The following NAALADL2 variants were observed in gnomAD, a reference collection of about 807,000 sequenced individuals.
NAALADL2 encodes the protein inactive N-acetylated-alpha-linked acidic dipeptidase-like protein 2.
NAALADL2 carries 76 observed loss-of-function variants against 87.2 expected under a neutral mutation model. The ratio of observed to expected loss-of-function variants is 0.87; its 90% confidence interval spans 0.72 to 1.05. The LOEUF is 1.05. NAALADL2 is among the 50% of genes least tolerant of loss of function. The probability of loss-of-function intolerance (pLI) is 0.00; values close to 1 mark genes in which losing one functional copy is unlikely to be tolerated. For missense variants in NAALADL2, 1,089 were observed against 945.8 expected (o/e 1.15, Z -1.99); for synonymous variants, 354 against 331.0 (o/e 1.07, Z -0.75).
intron 2 of NAALADL2, among the ~76,000 whole-genome samples, chr3:175,144,916 T>C (rs1174181124): frequency 6.6e-6 from 1 of 152,082 alleles, no homozygotes; most frequent in Admixed American, 6.6e-5. Context: ...CTGTATGTTT[T>C]CAATACAAGT....
chr3:175,283,279 C>T (rs1423151730), intron 4 of NAALADL2, among the ~76,000 whole-genome samples: 1 of 152,100 alleles, frequency 6.6e-6, no homozygotes, highest in African/African-American at 2.4e-5. Context: ...CACAAAGAAG[C>T]ATGGATCTCA....
At chr3:174,998,158 A>T (rs546558440) in intron 1 of NAALADL2, among the ~76,000 whole-genome samples, 3 of 152,156 alleles carry the variant, frequency 2.0e-5, no homozygotes, top group African/African-American at 7.2e-5. Context: ...CACTACCTCT[A>T]TGTTAGGCAT....
intron 5 of NAALADL2, among the ~76,000 whole-genome samples, chr3:175,360,344 A>G (rs892050567): frequency 6.6e-6 from 1 of 152,178 alleles, no homozygotes; most frequent in Non-Finnish European, 1.5e-5. Context: ...GCCTACAAAT[A>G]TATCAGATGT....
intron 11 of NAALADL2, among the ~76,000 whole-genome samples, chr3:175,668,707 G>A (rs1733541837): frequency 1.3e-5 from 2 of 152,130 alleles, no homozygotes; most frequent in African/African-American, 4.8e-5. Context: ...TGCCATCATA[G>A]CAATATCAGT....
At chr3:175,184,560 G>T (rs1737053636) in intron 2 of NAALADL2, among the ~76,000 whole-genome samples, 1 of 151,896 alleles carries the variant, frequency 6.6e-6, no homozygotes, top group Admixed American at 6.6e-5. Flanking sequence ...GCAATAACAT[G>T]AAGTTGGAAA....
At chr3:174,466,109 G>A (rs1031978893) in intron 1 of NAALADL2, among the ~76,000 whole-genome samples, 1 of 152,138 alleles carries the variant, frequency 6.6e-6, no homozygotes, top group Non-Finnish European at 1.5e-5. Context: ...AGAAAGGGAG[G>A]AAAGAACAGA....
intron 5 of NAALADL2, among the ~76,000 whole-genome samples, chr3:175,396,931 C>T (rs1413512139): frequency 6.6e-6 from 1 of 152,096 alleles, no homozygotes; most frequent in African/African-American, 2.4e-5. Flanking sequence ...GTCAATTAAA[C>T]CTCTTTTCTT....
At chr3:175,509,691 C>A (rs1730860295) in intron 9 of NAALADL2, among the ~76,000 whole-genome samples, 1 of 152,040 alleles carries the variant, frequency 6.6e-6, no homozygotes, top group African/African-American at 2.4e-5. Flanking sequence ...ATGTGTTAGT[C>A]CATTCTCCTG....
At position 175,447,252 on chromosome 3, in the gene NAALADL2, T is replaced by C. The variant is rs1010714708; in HGVS notation, c.1114T>C (p.Ser372Pro). 3.1e-6 allele frequency: 5 copies of C among 1,595,480 alleles called. No individual in the cohort carries two copies. The Admixed American group carries it at 9.1e-5, about 29-fold the overall frequency. The change falls in exon 6 of 14, where the codon TCA becomes CCA. Residue 372 changes from serine to proline, a missense_variant. Coordinates refer to ENST00000454872, the MANE Select transcript of NAALADL2 (RefSeq NM_207015.3). ...SVDESFRQSR[S>P]NLTSLLVQPI... ...AGATGAAAGTTTTAGACAAAGCCGA[T>C]CAAACCTCACCTCTCTATTAGTGCA...
intron 3 of NAALADL2, among the ~76,000 whole-genome samples, chr3:174,851,230 T>G (rs1560286357): frequency 6.6e-6 from 1 of 151,818 alleles, no homozygotes; most frequent in East Asian, 1.9e-4. Flanking sequence ...AACTCAATCT[T>G]AGTAGAAGAA....
At chr3:174,719,829 C>G (rs369090756) in intron 2 of NAALADL2, among the ~76,000 whole-genome samples, 94 of 152,252 alleles carry the variant, frequency 6.2e-4, no homozygotes, top group African/African-American at 2.1e-3. Context: ...GAGTCTTGCT[C>G]TGTTGCCAGC....
intron 1 of NAALADL2, among the ~76,000 whole-genome samples, chr3:174,518,682 A>G (rs925146039): frequency 6.6e-6 from 1 of 152,170 alleles, no homozygotes; most frequent in Admixed American, 6.5e-5. Flanking sequence ...TGTTTTAGCC[A>G]GATTGAATTC....
chr3:175,112,835 AG>A (rs1288589551), intron 2 of NAALADL2, among the ~76,000 whole-genome samples: 5 of 151,654 alleles, frequency 3.3e-5, no homozygotes, highest in African/African-American at 1.2e-4. Context: ...CAAAGATTGT[AG>A]GAGAGAAGCA....
At chr3:175,266,800 CTTCT>C (rs983597351) in intron 4 of NAALADL2, among the ~76,000 whole-genome samples, 1 of 151,648 alleles carries the variant, frequency 6.6e-6, no homozygotes, top group African/African-American at 2.4e-5. Flanking sequence ...CTTAATATAA[CTTCT>C]TTGTTTATAA....
chr3:175,655,736 A>G, intron 11 of NAALADL2, among the ~76,000 whole-genome samples: 1 of 151,988 alleles, frequency 6.6e-6, no homozygotes, highest in Admixed American at 6.6e-5. Context: ...AAATAAAAAA[A>G]CTTACAGTAA....
intron 1 of NAALADL2, among the ~76,000 whole-genome samples, chr3:174,932,765 A>C (rs952749066): frequency 5.3e-5 from 8 of 152,210 alleles, no homozygotes; most frequent in African/African-American, 1.9e-4. Flanking sequence ...TATGATTTAT[A>C]GTGATATGGT....
chr3:175,450,390 T>C (rs536023245), intron 6 of NAALADL2, among the ~76,000 whole-genome samples: 2 of 152,300 alleles, frequency 1.3e-5, no homozygotes, highest in East Asian at 1.9e-4. Context: ...ATCTTTAGTG[T>C]CAGAAAATCT....
At chr3:175,802,721 T>G (rs1307656725) in intron 13 of NAALADL2, among the ~76,000 whole-genome samples, 2 of 151,230 alleles carry the variant, frequency 1.3e-5, no homozygotes, top group Non-Finnish European at 2.9e-5. Flanking sequence ...TACAATTTTC[T>G]TTTTCTATCA....
intron 13 of NAALADL2, among the ~76,000 whole-genome samples, chr3:175,779,600 G>A (rs1750733756): frequency 6.6e-6 from 1 of 152,132 alleles, no homozygotes; most frequent in African/African-American, 2.4e-5. Context: ...TTAGTGGTAT[G>A]AGTAGTATTT....
Sources: gnomAD v4.1 joint callset for allele counts (sites outside exome capture counted in the v4.1 genomes callset) on GRCh38, gnomAD v4.1.1 for gene constraint, MANE v1.5 for transcripts, NCBI Gene and HGNC (gene_info 2026-07-23, HGNC 2026-07-21) for gene names.